Variants in CACNA2D1 observed in about 807,000 individuals in gnomAD.
CACNA2D1 encodes calcium voltage-gated channel auxiliary subunit alpha2delta 1.
CACNA2D1 carries 53 observed loss-of-function variants against 171.5 expected under a neutral mutation model. The ratio of observed to expected loss-of-function variants is 0.31; its 90% confidence interval spans 0.25 to 0.39. The LOEUF is 0.39. Among genes scored for constraint, CACNA2D1 ranks in the 10% least tolerant of loss-of-function variants. The pLI, the probability that CACNA2D1 is intolerant of heterozygous loss-of-function variation, is 1.00. For synonymous variants in CACNA2D1, 442 were observed against 443.1 expected, an observed-to-expected ratio of 1.00 and a Z score of 0.03; for missense variants, 903 against 1,299.8, an observed-to-expected ratio of 0.69 and a Z score of 4.69.
At chr7:82,053,322 C>T (rs1584553550) in intron 10 of CACNA2D1, among the ~76,000 whole-genome samples, 1 of 149,066 alleles carries the variant, frequency 6.7e-6, no homozygotes, top group African/African-American at 2.5e-5. Flanking sequence ...GCACAAATAA[C>T]AAAAATAATG....
At chr7:82,336,555 A>C (rs937942538) in intron 2 of CACNA2D1, among the ~76,000 whole-genome samples, 5 of 152,210 alleles carry the variant, frequency 3.3e-5, no homozygotes, top group African/African-American at 1.2e-4. Flanking sequence ...ACGTTAATTT[A>C]GTGATAAAAT....
intron 18 of CACNA2D1, among the ~76,000 whole-genome samples, chr7:82,000,034 G>A (rs1057170461): frequency 6.6e-6 from 1 of 152,060 alleles, no homozygotes; most frequent in South Asian, 2.1e-4. Context: ...GCCAAGGCAG[G>A]TGGATCACGA....
chr7:82,062,743 T>TC, intron 9 of CACNA2D1, among the ~76,000 whole-genome samples: 1 of 131,712 alleles, frequency 7.6e-6, no homozygotes, highest in Non-Finnish European at 1.6e-5. Context: ...TTTTTTTTTT[T>TC]TTTTTTTTTT....
intron 1 of CACNA2D1, among the ~76,000 whole-genome samples, chr7:82,408,024 T>G (rs982330692): frequency 9.9e-4 from 145 of 146,470 alleles, no homozygotes; most frequent in African/African-American, 3.4e-3. Flanking sequence ...TGTACTTTCT[T>G]TTTTTTTTTT....
chr7:81,987,909 T>C (rs994187948), intron 21 of CACNA2D1, among the ~76,000 whole-genome samples: 7 of 152,096 alleles, frequency 4.6e-5, no homozygotes, highest in African/African-American at 1.7e-4. Context: ...AACTTGATGA[T>C]GAAAATGGAA....
chr7:82,017,013 T>C (rs1394223601), intron 12 of CACNA2D1, among the ~76,000 whole-genome samples: 2 of 152,128 alleles, frequency 1.3e-5, no homozygotes, highest in Non-Finnish European at 1.5e-5. Flanking sequence ...CAACCTTCTT[T>C]ATAATTTATA....
chr7:81,958,340 TA>T (rs1413916337), intron 38 of CACNA2D1, among the ~76,000 whole-genome samples: 3 of 152,114 alleles, frequency 2.0e-5, no homozygotes, highest in African/African-American at 7.2e-5. Flanking sequence ...GTAGGTAAAC[TA>T]AATAACTCAA....
chr7:82,335,065 T>A (rs767351764), intron 3 of CACNA2D1, 70 bp downstream of exon 3: 10 of 997,898 alleles, frequency 1.0e-5, no homozygotes, highest in Admixed American at 8.5e-5. Flanking sequence ...AACCCCTCAA[T>A]AGAGCATGAA....
At chr7:82,266,133 G>T (rs1807811715) in intron 3 of CACNA2D1, among the ~76,000 whole-genome samples, 1 of 151,794 alleles carries the variant, frequency 6.6e-6, no homozygotes, top group African/African-American at 2.4e-5. Flanking sequence ...AGCCACAAAA[G>T]CATTTTTATT....
intron 2 of CACNA2D1, among the ~76,000 whole-genome samples, chr7:82,337,321 A>G (rs567581867): frequency 6.6e-6 from 1 of 152,234 alleles, no homozygotes; most frequent in South Asian, 2.1e-4. Flanking sequence ...CTGCCCGCCA[A>G]AAAAACTAGC....
intron 4 of CACNA2D1, among the ~76,000 whole-genome samples, chr7:82,168,122 T>C (rs1162012513): frequency 1.3e-5 from 2 of 152,018 alleles, no homozygotes; most frequent in Admixed American, 1.3e-4. Flanking sequence ...TGCTGATGCA[T>C]CATAATTTAA....
Position 82,308,383 on chromosome 7 carries a change from G to A in CACNA2D1, c.294+26752C>T, listed in dbSNP as rs527737202. On this transcript the variant is annotated intron_variant, in intron 3 of 38. Coordinates refer to ENST00000356860, the MANE Select transcript of CACNA2D1 (RefSeq NM_000722.4). ...CGCTGATATGCCTTCAAAACACAGC[G>A]AAGGTGCCATTGTCTCCTTTTTGGG... is the stretch of plus-strand genomic sequence containing the variant. Among the ~76,000 whole-genome samples, 4 of 152,268 alleles carry A rather than the reference G, an allele frequency of 2.6e-5. No homozygotes were observed. The South Asian group carries it at 6.2e-4, about 24-fold the overall frequency.
chr7:82,373,819 TC>T (rs1822697792), intron 1 of CACNA2D1, among the ~76,000 whole-genome samples: 2 of 152,232 alleles, frequency 1.3e-5, no homozygotes, highest in African/African-American at 4.8e-5. Context: ...CATTAGTGTA[TC>T]TCCAAATAAG....
At chr7:82,156,781 G>T (rs529464243) in intron 4 of CACNA2D1, among the ~76,000 whole-genome samples, 2 of 152,002 alleles carry the variant, frequency 1.3e-5, no homozygotes, top group East Asian at 3.9e-4. Flanking sequence ...GTTAAATGTG[G>T]TTGAACTTTT....
intron 38 of CACNA2D1, among the ~76,000 whole-genome samples, chr7:81,951,970 T>TTTTTTTTTTTTTGTTGTTG (rs1491307432): frequency 5.8e-4 from 14 of 23,982 alleles, no homozygotes; most frequent in Admixed American, 2.4e-3. Context: ...GTACAAAGTG[T>TTTTTTTTTTTTTGTTGTTG]TTTTTTTTTT....
At chr7:82,055,328 T>C (rs541511534) in intron 10 of CACNA2D1, among the ~76,000 whole-genome samples, 3 of 152,210 alleles carry the variant, frequency 2.0e-5, no homozygotes, top group African/African-American at 7.2e-5. Flanking sequence ...ATGCATACTT[T>C]CCTCATGATC....
At chr7:81,990,636 G>GA (rs1232477116) in intron 21 of CACNA2D1, among the ~76,000 whole-genome samples, 1 of 152,126 alleles carries the variant, frequency 6.6e-6, no homozygotes. Context: ...GCTCAGAGGA[G>GA]AGTTAGAGCA....
At chr7:82,226,766 T>C (rs1802409925) in intron 3 of CACNA2D1, among the ~76,000 whole-genome samples, 1 of 152,240 alleles carries the variant, frequency 6.6e-6, no homozygotes, top group African/African-American at 2.4e-5. Flanking sequence ...GCGACTGTTT[T>C]TCTTGCATCC....
chr7:82,291,513 T>TATATATAGATAGATCTATATATGTG (rs1563319828), intron 3 of CACNA2D1, among the ~76,000 whole-genome samples: 3 of 138,276 alleles, frequency 2.2e-5, no homozygotes, highest in Non-Finnish European at 3.1e-5. Context: ...TAGATAGATC[T>TATATATAGATAGATCTATATATGTG]ATATATAGAT....
Sources: allele counts gnomAD v4.1 joint callset (sites outside exome capture counted in the v4.1 genomes callset), GRCh38; gene constraint gnomAD v4.1.1; transcripts MANE v1.5; gene names NCBI Gene and HGNC (gene_info 2026-07-23, HGNC 2026-07-21).